MAP2K2: variants seen among roughly 807,000 people sequenced by gnomAD.
MAP2K2 encodes dual specificity mitogen-activated protein kinase kinase 2.
In MAP2K2, 24 loss-of-function variants were observed where a neutral mutation model predicts 43.7. The ratio of observed to expected loss-of-function variants is 0.55; its 90% CI spans 0.40 to 0.77. MAP2K2 has a LOEUF of 0.77. MAP2K2 is among the 30% of genes least tolerant of loss of function. The probability of loss-of-function intolerance (pLI) is 0.00; values close to 1 mark genes in which losing one functional copy is unlikely to be tolerated. For missense variants in MAP2K2, 470 were observed against 566.8 expected (o/e 0.83, Z 1.73); for synonymous variants, 244 against 239.7 (o/e 1.02, Z -0.17).
intron 2 of MAP2K2, among the ~76,000 whole-genome samples, chr19:4,112,011 C>T (rs979123585): frequency 6.6e-6 from 1 of 152,114 alleles, no homozygotes; most frequent in Non-Finnish European, 1.5e-5. Context: ...ACACCACGGG[C>T]AACCCCTAAC....
At chr19:4,098,122 A>G (rs997892367) in intron 7 of MAP2K2, among the ~76,000 whole-genome samples, 2 of 152,158 alleles carry the variant, frequency 1.3e-5, no homozygotes, top group Non-Finnish European at 2.9e-5. Context: ...GCCTTTCAAA[A>G]GGACCCAGGC....
intron 3 of MAP2K2, chr19:4,103,231 T>C: frequency 3.0e-6 from 3 of 986,214 alleles, no homozygotes; most frequent in Non-Finnish European, 2.4e-6. Flanking sequence ...CGAGTCATCA[T>C]GGGTAGGCTG....
At chr19:4,123,577 G>A (rs2041329293) in intron 1 of MAP2K2, among the ~76,000 whole-genome samples, 1 of 64,262 alleles carries the variant, frequency 1.6e-5, no homozygotes, top group Non-Finnish European at 3.1e-5. Context: ...CCTCCCCCGA[G>A]GGCCCCCTGC....
intron 2 of MAP2K2, among the ~76,000 whole-genome samples, chr19:4,113,230 C>T (rs1240799053): frequency 6.6e-6 from 1 of 152,138 alleles, no homozygotes; most frequent in African/African-American, 2.4e-5. Flanking sequence ...ATGAGGCCGT[C>T]GGAAGCGAGA....
At chr19:4,119,203 TTTAA>T (rs2041263524) in intron 1 of MAP2K2, among the ~76,000 whole-genome samples, 2 of 152,114 alleles carry the variant, frequency 1.3e-5, no homozygotes, top group South Asian at 2.1e-4. Flanking sequence ...TCTGGCTCTT[TTTAA>T]TTAATTAATT....
intron 6 of MAP2K2, chr19:4,100,663 T>C (rs1421020773): frequency 1.9e-5 from 6 of 318,824 alleles, no homozygotes; most frequent in Non-Finnish European, 1.8e-5. Flanking sequence ...AAAAGATTAG[T>C]AAATTAACAA....
At chr19:4,095,649 A>T (rs1599282661) in intron 8 of MAP2K2, among the ~76,000 whole-genome samples, 200 bp from the exon 9 acceptor site, 1 of 152,230 alleles carries the variant, frequency 6.6e-6, no homozygotes, top group African/African-American at 2.4e-5. Context: ...GCTTAGAGGG[A>T]AAGAGTGGGG....
intron 6 of MAP2K2, 144 bp downstream of exon 6, chr19:4,100,875 C>T (rs910524917): frequency 2.1e-5 from 20 of 949,834 alleles, no homozygotes; most frequent in African/African-American, 9.9e-5. Flanking sequence ...GGGAGAGCTG[C>T]GCAGGAGAAC....
intron 2 of MAP2K2, among the ~76,000 whole-genome samples, chr19:4,113,938 T>G (rs915406505): frequency 6.6e-6 from 1 of 152,174 alleles, no homozygotes; most frequent in Non-Finnish European, 1.5e-5. Flanking sequence ...AAGCTGGATG[T>G]AGCCAAGAGT....
chr19:4,099,524 C>T, intron 6 of MAP2K2, 110 bp from the exon 7 acceptor site: 1 of 854,674 alleles, frequency 1.2e-6, no homozygotes, highest in Admixed American at 2.1e-5. Flanking sequence ...CTAATGACCG[C>T]AGCAATGGAT....
At chr19:4,095,288 T>A (rs2040900957) in intron 9 of MAP2K2, 100 bp downstream of exon 9, 4 of 1,051,344 alleles carry the variant, frequency 3.8e-6, no homozygotes, top group Non-Finnish European at 5.7e-6. Flanking sequence ...TGCACTGGGA[T>A]TCTGGATGGG....
chr19:4,101,191 G>C lies in MAP2K2; in HGVS notation c.580+38C>G, dbSNP rs760177186. 2 of 1,595,386 alleles carry C rather than the reference G, an allele frequency of 1.3e-6. No homozygotes were observed. The highest frequency in any genetic ancestry group is 1.1e-5 in the South Asian group (1 of 88,062). ...GAGGGGCGCCCAACAGTTGCCTGCC[G>C]GCCCCCGGGGCTCTGGGGAGGGCGG... On this transcript the variant is annotated intron_variant, in intron 5 of 10. Transcript: ENST00000262948. This position sits in a 1 kb window ranked among gnomAD's most constrained non-coding sequence, Gnocchi z 6.3.
chr19:4,109,267 G>A (rs1028088629), intron 3 of MAP2K2, among the ~76,000 whole-genome samples: 3 of 152,084 alleles, frequency 2.0e-5, no homozygotes, highest in African/African-American at 7.2e-5. Context: ...CCACTTCTGG[G>A]CTTCGAGGCC....
At position 4,094,579 on chromosome 19, in the gene MAP2K2, C is replaced by T. The variant is rs962774758; in HGVS notation, c.1047-81G>A. 7.6e-5 allele frequency: 103 copies of T among 1,347,078 alleles called. 1 individual carries two copies. The highest frequency in any genetic ancestry group is 4.9e-4 in the South Asian group (39 of 79,904). 83.4% of individuals were successfully genotyped at this position (1,347,078 alleles called of 1,614,324 possible). ...TCAGCTGGTGGCCCCGGGGCACCCG[C>T]GTGTGGGCCGTGGTCGGAGGGGGCC... On this transcript the variant is annotated intron_variant, in intron 9 of 10. Transcript: ENST00000262948.
Position 4,090,397 on chromosome 19 carries a change from C to T in MAP2K2, c.*201G>A, listed in dbSNP as rs1599277500. 9.6e-6 allele frequency: 6 copies of T among 624,172 alleles called. No homozygotes were observed. The highest frequency in any genetic ancestry group is 5.5e-5 in the South Asian group (3 of 54,826). The allele number at this position is 624,172 out of a possible 1,614,324, so 38.7% of individuals were successfully genotyped here. ...TGAGACCACACACAGCAGCGTCGCC[C>T]GTCCCCAGAGGCACCCCGGCCAGGA... is the stretch of plus-strand genomic sequence containing the variant. On this transcript the variant is annotated 3_prime_UTR_variant, in exon 11 of 11. Coordinates refer to ENST00000262948, the MANE Select transcript of MAP2K2 (RefSeq NM_030662.4).
chr19:4,091,988 T>C (rs1166430737), intron 10 of MAP2K2, among the ~76,000 whole-genome samples: 2 of 152,174 alleles, frequency 1.3e-5, no homozygotes, highest in Non-Finnish European at 2.9e-5. Flanking sequence ...GACCAGCGGT[T>C]CCTGTACAGG....
chr19:4,098,328 A>T (rs1599285827), intron 7 of MAP2K2, among the ~76,000 whole-genome samples: 1 of 152,152 alleles, frequency 6.6e-6, no homozygotes, highest in East Asian at 1.9e-4. Flanking sequence ...GGAGCTGAGA[A>T]GGTTCTGGAA....
chr19:4,105,207 G>C (rs1329524395), intron 3 of MAP2K2, among the ~76,000 whole-genome samples: 1 of 134,912 alleles, frequency 7.4e-6, no homozygotes, highest in Admixed American at 7.1e-5. Flanking sequence ...TGTGTGTGAT[G>C]TTTAAAATGG....
intron 2 of MAP2K2, among the ~76,000 whole-genome samples, chr19:4,111,061 C>T (rs1395404449): frequency 6.6e-6 from 1 of 152,090 alleles, no homozygotes; most frequent in East Asian, 1.9e-4. Context: ...ATATGTGATC[C>T]CATTTCTGTG....
Sources: allele counts gnomAD v4.1 joint callset (sites outside exome capture counted in the v4.1 genomes callset), GRCh38; gene constraint gnomAD v4.1.1; non-coding constraint Gnocchi (gnomAD v3.1); transcripts MANE v1.5; gene names NCBI Gene and HGNC (gene_info 2026-07-23, HGNC 2026-07-21).